Variants in CCDC66 observed in about 807,000 individuals in gnomAD.
CCDC66 encodes the protein coiled-coil domain containing 66.
In CCDC66, 133 loss-of-function variants were observed where a neutral mutation model predicts 128.3. The ratio of observed to expected loss-of-function variants is 1.04; its 90% CI spans 0.90 to 1.20. The LOEUF (loss-of-function observed/expected upper bound fraction) is 1.20. CCDC66 is among the 50% of genes most tolerant of loss of function. The probability of loss-of-function intolerance (pLI) is 0.00; values close to 1 mark genes in which losing one functional copy is unlikely to be tolerated. For missense variants in CCDC66, 1,126 were observed against 1,075.5 expected, an observed-to-expected ratio of 1.05 and a Z score of -0.66; for synonymous variants, 387 against 357.0, an observed-to-expected ratio of 1.08 and a Z score of -0.95.
At position 56,575,495 on chromosome 3, in the gene CCDC66, C is replaced by G. The variant is rs1309068325; in HGVS notation, c.936+4193C>G. Among the ~76,000 whole-genome samples, 3 of 151,776 alleles carry G rather than the reference C, an allele frequency of 2.0e-5. No homozygotes were observed. In the East Asian group the frequency reaches 5.9e-4, roughly 30 times the overall value. On this transcript the variant is annotated intron_variant, in intron 7 of 17. Transcript: ENST00000394672. ...TATATTTTGTATGATAATCCCTTGT[C>G]AGATACATGATTCACAACTGTTTTC...
At chr3:56,559,383 A>C (rs937238080) in intron 2 of CCDC66, among the ~76,000 whole-genome samples, 186 bp from the exon 3 acceptor site, 5 of 152,198 alleles carry the variant, frequency 3.3e-5, no homozygotes, top group African/African-American at 1.2e-4. Context: ...AAAAAACAAA[A>C]ATAAAATAGA....
chr3:56,611,575 C>T (rs1409900596), intron 10 of CCDC66, among the ~76,000 whole-genome samples: 1 of 134,766 alleles, frequency 7.4e-6, no homozygotes, highest in African/African-American at 2.7e-5. Flanking sequence ...CCCCACCCCC[C>T]ACGCCCAGTT....
chr3:56,620,121 T>TCAGA (rs1479752745), intron 17 of CCDC66: 1 of 313,870 alleles, frequency 3.2e-6, no homozygotes, highest in African/African-American at 2.1e-5. Flanking sequence ...TACGAAATCA[T>TCAGA]CAGACAGTTC....
At position 56,591,596 on chromosome 3, in the gene CCDC66, G is replaced by A. The variant is rs147218208; in HGVS notation, c.937-1374G>A. On this transcript the variant is annotated intron_variant, in intron 7 of 17. Transcript: ENST00000394672. ...TTGGGCCACAGGTTGGACAATGCTC[G>A]TTTTTCTTTTCCCATTTTGACCTCT... is the stretch of plus-strand genomic sequence containing the variant. 4.6e-3 allele frequency among the ~76,000 whole-genome samples: 699 copies of A among 152,244 alleles called. 3 individuals are homozygous for A. The highest frequency in any genetic ancestry group is 0.017 in the East Asian group (89 of 5,188).
chr3:56,572,395 G>T (rs997572288), intron 7 of CCDC66: 1 of 1,289,126 alleles, frequency 7.8e-7, no homozygotes, highest in Non-Finnish European at 1.0e-6. Context: ...AGCTGATGGG[G>T]CATTCACAAC....
At chr3:56,616,864 C>G (rs2075581803) in intron 13 of CCDC66, 2 of 366,246 alleles carry the variant, frequency 5.5e-6, no homozygotes, top group Non-Finnish European at 9.7e-6. Flanking sequence ...CATTTCCCCC[C>G]CAGTGACTGA....
At chr3:56,572,219 C>T (rs2066731712) in intron 7 of CCDC66, 2 of 468,940 alleles carry the variant, frequency 4.3e-6, no homozygotes, top group Non-Finnish European at 7.7e-6. Flanking sequence ...ATCAAATATA[C>T]ACATATGCCA....
intron 7 of CCDC66, among the ~76,000 whole-genome samples, chr3:56,588,869 G>A (rs1453432055): frequency 2.6e-5 from 4 of 152,172 alleles, no homozygotes; most frequent in African/African-American, 9.7e-5. Flanking sequence ...TAGGTTTCCT[G>A]TGCTGAGAGG....
At chr3:56,578,994 C>A (rs940942462) in intron 7 of CCDC66, among the ~76,000 whole-genome samples, 5 of 151,808 alleles carry the variant, frequency 3.3e-5, no homozygotes, top group African/African-American at 1.2e-4. Context: ...GGTACCAGCT[C>A]CTCTTTATAC....
rs1206229722 is a variant in CCDC66 at position 56,616,009 on chromosome 3, A to G, written c.1799A>G (p.Tyr600Cys). 18 of 1,565,442 alleles carry G rather than the reference A, an allele frequency of 1.1e-5. No homozygotes were observed. The Admixed American group carries it at 2.4e-4, about 21-fold the overall frequency. The stretch of plus-strand genomic sequence containing the variant: ...GAAATCAGTGGTAAAATGAATACAT[A>G]TATGAATTCTACGACTTCTAAGAAG... ...SDEISGKMNT[Y>C]MNSTTSKKDT... Residue 600 changes from tyrosine to cysteine, a missense_variant, in exon 13 of 18, where the codon TAT (tyrosine) becomes TGT (cysteine). Physicochemically the swap from Tyr to Cys is radical, Grantham distance 194 (BLOSUM62 -2). Transcript: ENST00000394672.
Position 56,563,944 on chromosome 3 carries a change from TA to T in CCDC66, c.364del (p.Arg122GlufsTer4). The T allele has an allele frequency of 2.5e-6, 4 of 1,613,930 alleles. No individual in the cohort carries two copies. Among genetic ancestry groups the T allele is most frequent in the Non-Finnish European group, 3.4e-6 (4 of 1,179,890 alleles). On this transcript the variant is annotated frameshift_variant, in exon 4 of 18. Transcript: ENST00000394672. LOFTEE classifies it high-confidence loss of function. ...SPATPNMQKT[R>X]NTVNTSLVGK... ...CTGCAACCCCTAATATGCAGAAGAC[TA>T]GAAACACCGTAAATACATCTCTAGT...
chr3:56,608,370 G>A (rs560721791), intron 10 of CCDC66, among the ~76,000 whole-genome samples: 9 of 151,972 alleles, frequency 5.9e-5, no homozygotes, highest in South Asian at 2.1e-4. Flanking sequence ...GTATTTTTCC[G>A]GGTCTTTATC....
chr3:56,579,662 A>C (rs533495312), intron 7 of CCDC66, among the ~76,000 whole-genome samples: 14 of 151,796 alleles, frequency 9.2e-5, no homozygotes, highest in Admixed American at 4.0e-4. Flanking sequence ...TCATTTCGTT[A>C]TGTACCCAGT....
rs370092605 is a variant in CCDC66, at chr3:56,557,238, A to G, written c.-5A>G. On this transcript the variant is annotated 5_prime_UTR_variant, in exon 1 of 18. Transcript: ENST00000394672. ...CGTTCTGTGGAGAGAGTGCGAGGTC[A>G]GGCCATGAACTTGGGGTAAGCAGGG... is the stretch of plus-strand genomic sequence containing the variant. 1.3e-4 allele frequency: 172 copies of G among 1,275,516 alleles called. No individual in the cohort carries two copies. In the African/African-American group the frequency reaches 2.5e-3, roughly 18 times the overall value. 79.0% of individuals were successfully genotyped at this position (1,275,516 alleles called of 1,614,324 possible).
chr3:56,615,367 G>T (rs1195345512), intron 12 of CCDC66, 95 bp downstream of exon 12: 1 of 1,276,268 alleles, frequency 7.8e-7, no homozygotes, highest in Non-Finnish European at 1.1e-6. Context: ...GACTCATTCT[G>T]TTGCACAGGC....
chr3:56,574,177 C>T (rs969129367), intron 7 of CCDC66, among the ~76,000 whole-genome samples: 4 of 151,504 alleles, frequency 2.6e-5, no homozygotes, highest in Non-Finnish European at 5.9e-5. Context: ...TCCCAGCCAA[C>T]GTGGTGAAAC....
At chr3:56,577,401 T>C (rs1040385554) in intron 7 of CCDC66, among the ~76,000 whole-genome samples, 12 of 151,944 alleles carry the variant, frequency 7.9e-5, no homozygotes, top group African/African-American at 2.9e-4. Context: ...TAGTTTCTTT[T>C]GCTGTGCAGA....
In CCDC66 at chr3:56,615,999, A is replaced by T; in HGVS notation, c.1789A>T (p.Met597Leu). 6.3e-7 allele frequency: 1 copy of T among 1,587,928 alleles called. No individual in the cohort carries two copies. Among genetic ancestry groups the T allele is most frequent in the East Asian group, 2.3e-5 (1 of 43,054 alleles). Residue 597 changes from methionine (M) to leucine (L), a missense_variant, in exon 13 of 18, where the codon ATG (methionine) becomes TTG (leucine). By Grantham distance (15) the Met-to-Leu change is conservative. Coordinates refer to ENST00000394672, the MANE Select transcript of CCDC66 (RefSeq NM_001141947.3). ...TGATTCTGATGAAATCAGTGGTAAA[A>T]TGAATACATATATGAATTCTACGAC... is the stretch of plus-strand genomic sequence containing the variant. ...RHDSDEISGK[M>L]NTYMNSTTSK... is the part of the protein sequence containing the mutation.
At chr3:56,583,711 A>G (rs2068842328) in intron 7 of CCDC66, among the ~76,000 whole-genome samples, 1 of 151,890 alleles carries the variant, frequency 6.6e-6, no homozygotes. Context: ...CTACACAGAC[A>G]CAGCAACAAT....
Sources: allele counts gnomAD v4.1 joint callset (sites outside exome capture counted in the v4.1 genomes callset), GRCh38; gene constraint gnomAD v4.1.1; transcripts MANE v1.5; gene names NCBI Gene and HGNC (gene_info 2026-07-23, HGNC 2026-07-21).